Variants in AXDND1 observed in about 807,000 individuals in gnomAD.
AXDND1 encodes axonemal dynein light chain domain-containing protein 1.
A neutral mutation model predicts 137.5 loss-of-function variants in AXDND1; 110 were observed. The observed-to-expected ratio is 0.80, with a 90% CI of 0.69 to 0.94. The LOEUF (loss-of-function observed/expected upper bound fraction) is 0.94. AXDND1 is among the 40% of genes least tolerant of loss of function. AXDND1 has a pLI of 0.00. For synonymous variants in AXDND1, 414 were observed against 399.7 expected (o/e 1.04, Z -0.43); for missense variants, 1,191 against 1,169.8 (o/e 1.02, Z -0.26).
intron 17 of AXDND1, 24 bp downstream of exon 17, chr1:179,468,665 G>T: frequency 6.4e-7 from 1 of 1,551,956 alleles, no homozygotes. Flanking sequence ...GGTTTCTTTT[G>T]TTCTGAGATA....
At chr1:179,544,685 A>AAAAAAG (rs1672487766) in intron 25 of AXDND1, 1 of 151,232 alleles carries the variant, frequency 6.6e-6, no homozygotes. Context: ...AAAAAAAAAA[A>AAAAAAG]AAAAGAAAAA....
intron 11 of AXDND1, among the ~76,000 whole-genome samples, chr1:179,408,339 G>A (rs539194765): frequency 7.3e-5 from 11 of 150,632 alleles, no homozygotes; most frequent in Non-Finnish European, 1.5e-4. Context: ...TGCTATCTGT[G>A]CATCTGATTT....
intron 21 of AXDND1, among the ~76,000 whole-genome samples, chr1:179,516,393 C>T (rs111941624): frequency 1.3e-4 from 20 of 152,184 alleles, no homozygotes; most frequent in African/African-American, 3.9e-4. Context: ...CATTGGGCTT[C>T]GCCTTTCTCT....
chr1:179,494,507 A>G (rs1667251381), intron 20 of AXDND1, among the ~76,000 whole-genome samples: 1 of 147,750 alleles, frequency 6.8e-6, no homozygotes, highest in African/African-American at 2.5e-5. Context: ...CAGATACATG[A>G]TTTTAAAATA....
At chr1:179,419,091 G>T (rs561384234) in intron 12 of AXDND1, among the ~76,000 whole-genome samples, 1 of 151,672 alleles carries the variant, frequency 6.6e-6, no homozygotes, top group African/African-American at 2.4e-5. Flanking sequence ...TCACTTCCTA[G>T]ATGGGATGGC....
At position 179,554,698 on chromosome 1, in the gene AXDND1, T is replaced by G. The variant is rs1035676445; in HGVS notation, c.*179T>G. 1.4e-5 allele frequency: 12 copies of G among 862,740 alleles called. No homozygotes were observed. Among genetic ancestry groups the G allele is most frequent in the Non-Finnish European group, 1.7e-5 (9 of 529,766 alleles). The allele number at this position is 862,740 out of a possible 1,614,324, so 53.4% of individuals were successfully genotyped here. ...AGTGCCTTGCAAAGAGTTGTTTAACTTGCATGGTGCCACCCAATAAATATC... is the reference window on the plus strand; with the variant it reads ...AGTGCCTTGCAAAGAGTTGTTTAACGTGCATGGTGCCACCCAATAAATATC... On this transcript the variant is annotated 3_prime_UTR_variant, in exon 26 of 26. Coordinates refer to ENST00000367618, the MANE Select transcript of AXDND1 (RefSeq NM_144696.6).
chr1:179,509,076 G>T (rs1280416586), intron 20 of AXDND1, among the ~76,000 whole-genome samples: 1 of 152,052 alleles, frequency 6.6e-6, no homozygotes, highest in Non-Finnish European at 1.5e-5. Flanking sequence ...ACTACTCCCT[G>T]TCCCATTACA....
chr1:179,455,648 G>C (rs1453532217), intron 16 of AXDND1: 6 of 150,808 alleles, frequency 4.0e-5, no homozygotes, highest in African/African-American at 1.5e-4. Flanking sequence ...ACTAGTATAT[G>C]TGTTAGTTAA....
rs575915608 is a variant in AXDND1 at position 179,385,264 on chromosome 1, G to A, written c.768G>A (p.Lys256=). Residue 256 remains lysine (K), a synonymous_variant, in exon 9 of 26, where the codon AAG becomes AAA. Transcript: ENST00000367618. ...TGCACAAACTACTACATATATTGAA[G>A]AAGGAACAGACCATTTACAACATGA... ...TKMHKLLHIL[K]KEQTIYNMIF... The A allele has an allele frequency of 2.5e-6, 4 of 1,610,868 alleles. No individual in the cohort carries two copies. In the African/African-American group the frequency reaches 5.3e-5, roughly 22 times the overall value.
chr1:179,471,212 G>GT (rs1663890531), intron 17 of AXDND1, among the ~76,000 whole-genome samples: 1 of 151,888 alleles, frequency 6.6e-6, no homozygotes, highest in South Asian at 2.1e-4. Flanking sequence ...TCTTCGCCTG[G>GT]TGTTATATCA....
intron 20 of AXDND1, among the ~76,000 whole-genome samples, chr1:179,504,336 G>T (rs1668322834): frequency 6.6e-6 from 1 of 152,162 alleles, no homozygotes; most frequent in Non-Finnish European, 1.5e-5. Context: ...GTCCACCCCA[G>T]GATGTGGTGG....
At chr1:179,479,199 G>A (rs752853861) in intron 17 of AXDND1, among the ~76,000 whole-genome samples, 4 of 152,086 alleles carry the variant, frequency 2.6e-5, no homozygotes, top group African/African-American at 4.8e-5. Context: ...TCCACTGGCC[G>A]GGTGCAGTGG....
chr1:179,390,654 G>A (rs4652370), intron 9 of AXDND1, among the ~76,000 whole-genome samples: 44,287 of 149,082 alleles, frequency 0.3, 6,649 homozygotes, highest in Non-Finnish European at 0.31. Flanking sequence ...TTTGTTTTAC[G>A]TCTAACATAT....
Position 179,456,730 on chromosome 1 carries a change from C to T in AXDND1, c.1798+11526C>T. On this transcript the variant is annotated intron_variant, in intron 16 of 25. Coordinates refer to ENST00000367618, the MANE Select transcript of AXDND1 (RefSeq NM_144696.6). ...CCACTGAAACCACCTCCATGACCAC[C>T]ACCAAAGTTTCCAGAACTACTTTGA... The T allele has an allele frequency of 5.1e-6, 4 of 783,320 alleles. No homozygotes were observed. In the East Asian group the frequency reaches 9.7e-5, roughly 19 times the overall value. The allele number at this position is 783,320 out of a possible 1,614,324, so 48.5% of individuals were successfully genotyped here.
At chr1:179,477,155 ATTG>A (rs1195256249) in intron 17 of AXDND1, among the ~76,000 whole-genome samples, 4 of 151,420 alleles carry the variant, frequency 2.6e-5, no homozygotes, top group Non-Finnish European at 2.9e-5. Context: ...TTTTTCAGTT[ATTG>A]TTCTTTTTCA....
intron 11 of AXDND1, among the ~76,000 whole-genome samples, chr1:179,410,537 G>A (rs914042966): frequency 2.0e-5 from 3 of 152,184 alleles, no homozygotes; most frequent in African/African-American, 7.2e-5. Context: ...CAGGAAGTCT[G>A]TTAATTTTAA....
intron 21 of AXDND1, among the ~76,000 whole-genome samples, chr1:179,517,834 T>G (rs962479940): frequency 4.6e-5 from 7 of 152,222 alleles, no homozygotes; most frequent in African/African-American, 1.7e-4. Flanking sequence ...GTCCACTGCC[T>G]TCGGAGGGTC....
At chr1:179,422,236 A>T (rs937247072) in intron 12 of AXDND1, among the ~76,000 whole-genome samples, 2 of 76,574 alleles carry the variant, frequency 2.6e-5, no homozygotes, top group Admixed American at 1.4e-4. Context: ...TCATTTTGAT[A>T]TAGATATATC....
At chr1:179,533,920 G>A (rs1325948540) in intron 24 of AXDND1, 43 bp downstream of exon 24, 1 of 1,559,480 alleles carries the variant, frequency 6.4e-7, no homozygotes, top group Non-Finnish European at 8.8e-7. Context: ...GAAAATGGCT[G>A]GCCAGAAGGT....
Sources: gnomAD v4.1 joint callset for allele counts (sites outside exome capture counted in the v4.1 genomes callset) on GRCh38, gnomAD v4.1.1 for gene constraint, MANE v1.5 for transcripts, NCBI Gene and HGNC (gene_info 2026-07-23, HGNC 2026-07-21) for gene names.